PPP1R12B: variants seen among roughly 807,000 people sequenced by gnomAD.
PPP1R12B encodes the protein myosin phosphatase target subunit 2.
In PPP1R12B, 76 loss-of-function variants were observed where a neutral mutation model predicts 126.1. The observed-to-expected ratio is 0.60, with a 90% CI of 0.50 to 0.73. PPP1R12B has a LOEUF of 0.73. Among genes scored for constraint, PPP1R12B ranks in the 30% least tolerant of loss-of-function variants. The probability of loss-of-function intolerance (pLI) is 0.00; values close to 1 mark genes in which losing one functional copy is unlikely to be tolerated. For missense variants in PPP1R12B, 1,052 were observed against 1,205.1 expected, an observed-to-expected ratio of 0.87 and a Z score of 1.88; for synonymous variants, 356 against 434.7, an observed-to-expected ratio of 0.82 and a Z score of 2.25.
chr1:202,558,831 T>G (rs1285903439), intron 18 of PPP1R12B, 46 bp from the exon 19 acceptor site: 1 of 1,297,788 alleles, frequency 7.7e-7, no homozygotes, highest in African/African-American at 1.5e-5. Flanking sequence ...TGCTGTTTTC[T>G]TTTCTTTTTT....
chr1:202,454,592 A>G (rs1414458843), intron 13 of PPP1R12B, among the ~76,000 whole-genome samples: 1 of 152,236 alleles, frequency 6.6e-6, no homozygotes, highest in Admixed American at 6.5e-5. Flanking sequence ...ATAAAGAAGT[A>G]GTATGAGTTG....
At chr1:202,452,549 A>C (rs1673132916) in intron 13 of PPP1R12B, among the ~76,000 whole-genome samples, 1 of 149,420 alleles carries the variant, frequency 6.7e-6, no homozygotes, top group South Asian at 2.2e-4. Context: ...TTAAAGAGGG[A>C]GAGGGAGACC....
At position 202,434,647 on chromosome 1, in the gene PPP1R12B, A is replaced by C. The variant is rs1473392411; in HGVS notation, c.1142-9A>C. The C allele has an allele frequency of 1.9e-6, 3 of 1,606,818 alleles. No homozygotes were observed. Among genetic ancestry groups the C allele is most frequent in the East Asian group, 4.5e-5 (2 of 44,808 alleles). ...TAGTACTTGTTAATTCTCTTGTCTT[A>C]AATAACAGATAAAAAGCCAGAAGCC... On this transcript the variant is annotated splice_polypyrimidine_tract_variant and intron_variant, in intron 8 of 23. Coordinates refer to ENST00000608999, the MANE Select transcript of PPP1R12B (RefSeq NM_002481.4).
intron 21 of PPP1R12B, among the ~76,000 whole-genome samples, chr1:202,566,631 T>G (rs1043631695): frequency 7.9e-5 from 12 of 152,178 alleles, no homozygotes; most frequent in African/African-American, 2.9e-4. Flanking sequence ...AAAGAAAGAC[T>G]TACGAGGATA....
rs193287942 is a variant in PPP1R12B at position 202,429,307 on chromosome 1, G to T, written c.921+378G>T. Among the ~76,000 whole-genome samples, 735 of 152,198 alleles carry T rather than the reference G, an allele frequency of 4.8e-3. 5 individuals carry two copies. The highest frequency in any genetic ancestry group is 6.6e-3 in the Non-Finnish European group (450 of 68,006). ...CTTTTCTTTTTCTTATTGACTAAAAGACTATCTTTATTTAAGCACATTTAT... is the reference window on the plus strand; with the variant it reads ...CTTTTCTTTTTCTTATTGACTAAAATACTATCTTTATTTAAGCACATTTAT... On this transcript the variant is annotated intron_variant, in intron 6 of 23. Coordinates refer to ENST00000608999, the MANE Select transcript of PPP1R12B (RefSeq NM_002481.4).
chr1:202,552,750 T>A (rs1467037854), intron 18 of PPP1R12B, among the ~76,000 whole-genome samples: 7 of 152,138 alleles, frequency 4.6e-5, no homozygotes, highest in Admixed American at 2.0e-4. Flanking sequence ...CACTGTGGGG[T>A]CAAGCCATGA....
chr1:202,380,720 T>G (rs1264033777), intron 1 of PPP1R12B, among the ~76,000 whole-genome samples: 1 of 152,244 alleles, frequency 6.6e-6, no homozygotes, highest in Non-Finnish European at 1.5e-5. Context: ...AAATTATTAC[T>G]CTGAACTTGA....
At chr1:202,483,265 C>T in intron 13 of PPP1R12B, among the ~76,000 whole-genome samples, 3 of 131,924 alleles carry the variant, frequency 2.3e-5, no homozygotes, top group African/African-American at 5.5e-5. Flanking sequence ...TGTTTTATTT[C>T]TATGAAGAAC....
At chr1:202,354,528 A>G (rs983033308) in intron 1 of PPP1R12B, among the ~76,000 whole-genome samples, 2 of 152,082 alleles carry the variant, frequency 1.3e-5, no homozygotes, top group Non-Finnish European at 2.9e-5. Flanking sequence ...TGATCGTGCC[A>G]CTGCATTCCA....
At chr1:202,460,632 G>GT (rs35007429) in intron 13 of PPP1R12B, among the ~76,000 whole-genome samples, 4,762 of 152,226 alleles carry the variant, frequency 0.031, 204 homozygotes, top group African/African-American at 0.099. Flanking sequence ...CCATTACCAA[G>GT]TTTTTTCTCT....
At chr1:202,455,363 A>G (rs1450734222) in intron 13 of PPP1R12B, among the ~76,000 whole-genome samples, 1 of 152,166 alleles carries the variant, frequency 6.6e-6, no homozygotes, top group Non-Finnish European at 1.5e-5. Flanking sequence ...CCCTGTAGCT[A>G]TCCCCCACAA....
At chr1:202,543,018 T>G (rs1223047853) in intron 18 of PPP1R12B, among the ~76,000 whole-genome samples, 3 of 152,104 alleles carry the variant, frequency 2.0e-5, no homozygotes, top group Non-Finnish European at 4.4e-5. Flanking sequence ...TTGAGTGTTG[T>G]TAACAGGGCT....
At chr1:202,512,143 G>A (rs529258909) in intron 18 of PPP1R12B, among the ~76,000 whole-genome samples, 19 of 152,232 alleles carry the variant, frequency 1.2e-4, no homozygotes, top group Non-Finnish European at 2.4e-4. Flanking sequence ...GATATTCCAG[G>A]GCTAACCCTA....
rs149909925 is a variant in PPP1R12B at position 202,453,678 on chromosome 1, A to G, written c.1850+4507A>G. On this transcript the variant is annotated intron_variant, in intron 13 of 23. Coordinates refer to ENST00000608999, the MANE Select transcript of PPP1R12B (RefSeq NM_002481.4). ...CTTTTTATGTTTGCTTATTGTAAGG[A>G]CAGGTCTAATATGTCTATTATAAAG... Among the ~76,000 whole-genome samples the G allele has an allele frequency of 1.3e-4, 19 of 151,864 alleles. No individual in the cohort carries two copies. The East Asian group carries it at 3.7e-3, about 30-fold the overall frequency.
chr1:202,476,346 A>C (rs996497711), intron 13 of PPP1R12B, among the ~76,000 whole-genome samples: 2 of 151,254 alleles, frequency 1.3e-5, no homozygotes, highest in African/African-American at 4.8e-5. Context: ...GTGTGTCTTT[A>C]ATTATGTTTT....
Position 202,525,825 on chromosome 1 carries a change from G to A in PPP1R12B, c.2490+29003G>A, listed in dbSNP as rs529461241. The stretch of plus-strand genomic sequence containing the variant: ...TGATTCTCCTGCCTCAGCCTCCCGA[G>A]TAGCTGTGATTACAGGTGCCCGCCA... On this transcript the variant is annotated intron_variant, in intron 18 of 23. Coordinates refer to ENST00000608999, the MANE Select transcript of PPP1R12B (RefSeq NM_002481.4). Among the ~76,000 whole-genome samples the A allele has an allele frequency of 2.6e-5, 4 of 152,120 alleles. No individual in the cohort carries two copies. In the South Asian group the frequency reaches 6.2e-4, roughly 24 times the overall value.
intron 18 of PPP1R12B, among the ~76,000 whole-genome samples, chr1:202,518,693 C>A (rs1260145703): frequency 1.3e-5 from 2 of 152,102 alleles, no homozygotes; most frequent in Non-Finnish European, 2.9e-5. Context: ...TTCTGCTTTT[C>A]TTTATTTCCC....
chr1:202,352,205 A>G (rs1656148656), intron 1 of PPP1R12B, among the ~76,000 whole-genome samples: 1 of 152,228 alleles, frequency 6.6e-6, no homozygotes, highest in Non-Finnish European at 1.5e-5. Flanking sequence ...TACACATTGT[A>G]AGGCCAGGAA....
chr1:202,435,158 C>G (rs1670647358), intron 9 of PPP1R12B, among the ~76,000 whole-genome samples: 1 of 152,196 alleles, frequency 6.6e-6, no homozygotes. Context: ...AGCTTCATCA[C>G]TCCTCACAGA....
Sources: gnomAD v4.1 joint callset for allele counts (sites outside exome capture counted in the v4.1 genomes callset) on GRCh38, gnomAD v4.1.1 for gene constraint, MANE v1.5 for transcripts, NCBI Gene and HGNC (gene_info 2026-07-23, HGNC 2026-07-21) for gene names.